Variants in YWHAG observed in about 807,000 individuals in gnomAD.
The protein encoded by YWHAG is 14-3-3 protein gamma.
A neutral mutation model predicts 23.3 loss-of-function variants in YWHAG; 1 was observed. That is an observed-to-expected ratio of 0.04 (90% CI 0.02 to 0.20). YWHAG has a LOEUF of 0.20. Ranked by LOEUF, YWHAG falls within the 10% of genes least tolerant of loss-of-function variation. YWHAG has a pLI of 1.00. For missense variants in YWHAG, 151 were observed against 338.6 expected (o/e 0.45, Z 4.35); for synonymous variants, 160 against 144.0 (o/e 1.11, Z -0.80).
At chr7:76,338,651 G>A (rs553266799) in intron 1 of YWHAG, among the ~76,000 whole-genome samples, 80 of 151,976 alleles carry the variant, frequency 5.3e-4, no homozygotes, top group African/African-American at 1.8e-3. Flanking sequence ...AAAACCTCCA[G>A]AGAATTTCTA....
chr7:76,328,523 C>G lies in YWHAG; in HGVS notation c.*1054G>C, dbSNP rs1803487844. On this transcript the variant is annotated 3_prime_UTR_variant, in exon 2 of 2. Transcript: ENST00000307630. ...AATTTTCACACACTGCACCACAGAC[C>G]TTCTCCAAACGCCTCTCCGACCCCA... The G allele has an allele frequency of 6.6e-6, 1 of 152,184 alleles. No individual in the cohort carries two copies. The highest frequency in any genetic ancestry group is 2.4e-5 in the African/African-American group (1 of 41,418). The allele number at this position is 152,184 out of a possible 1,614,324, so 9.4% of individuals were successfully genotyped here. A position where few individuals can be genotyped will look rare whatever the true frequency, so the allele number is the denominator to read the frequency against.
intron 1 of YWHAG, among the ~76,000 whole-genome samples, chr7:76,331,975 T>C (rs1469982780): frequency 6.6e-6 from 1 of 152,228 alleles, no homozygotes; most frequent in Non-Finnish European, 1.5e-5. Context: ...TATTAGTTTA[T>C]GGCAGGCAAT....
chr7:76,335,729 T>TTA (rs1803606238), intron 1 of YWHAG, among the ~76,000 whole-genome samples: 1 of 152,198 alleles, frequency 6.6e-6, no homozygotes. Flanking sequence ...GGTGGGTGGA[T>TTA]CACTTGAGGT....
rs1484996210 is a variant in YWHAG, at chr7:76,328,119, C to T, written c.*1458G>A. 1 of 152,072 alleles carries T rather than the reference C, an allele frequency of 6.6e-6. No homozygotes were observed. Among genetic ancestry groups the T allele is most frequent in the African/African-American group, 2.4e-5 (1 of 41,414 alleles). 9.4% of individuals were successfully genotyped at this position (152,072 alleles called of 1,614,324 possible). On this transcript the variant is annotated 3_prime_UTR_variant, in exon 2 of 2. Transcript: ENST00000307630. ...ATAAAAAAAAGAATGCACATGCGGGCCACGTTCACAGATAGACAGATTCAC... is the reference window on the plus strand; with the variant it reads ...ATAAAAAAAAGAATGCACATGCGGGTCACGTTCACAGATAGACAGATTCAC...
chr7:76,348,896 A>C (rs1466543622), intron 1 of YWHAG, among the ~76,000 whole-genome samples: 3 of 152,206 alleles, frequency 2.0e-5, no homozygotes, highest in African/African-American at 7.2e-5. Context: ...ATTTTAAGGC[A>C]AATTAAACAT....
chr7:76,330,642 TG>T (rs1803529073), intron 1 of YWHAG, among the ~76,000 whole-genome samples: 1 of 152,206 alleles, frequency 6.6e-6, no homozygotes, highest in African/African-American at 2.4e-5. Flanking sequence ...AAGAAAATAC[TG>T]AGTCAACTTC....
Position 76,358,858 on chromosome 7 carries a change from C to T in YWHAG, c.-50G>A, listed in dbSNP as rs1430797308. 3 of 1,548,178 alleles carry T rather than the reference C, an allele frequency of 1.9e-6. No homozygotes were observed. Among genetic ancestry groups the T allele is most frequent in the Non-Finnish European group, 1.7e-6 (2 of 1,143,358 alleles). On this transcript the variant is annotated 5_prime_UTR_variant, in exon 1 of 2. Transcript: ENST00000307630. ...AGAAGGAGGAGGACACTGGGGCGGC[C>T]TGAAGGGCTTGGAGGGCGCGACTGG...
intron 1 of YWHAG, among the ~76,000 whole-genome samples, chr7:76,340,920 A>G (rs1360701872): frequency 6.6e-6 from 1 of 152,220 alleles, no homozygotes; most frequent in Non-Finnish European, 1.5e-5. Context: ...TCTGTCACCC[A>G]GGCTGGAGTG....
At chr7:76,344,158 T>C (rs1260072585) in intron 1 of YWHAG, among the ~76,000 whole-genome samples, 4 of 152,096 alleles carry the variant, frequency 2.6e-5, no homozygotes, top group Non-Finnish European at 1.5e-5. Context: ...TTGCCTAGGC[T>C]GGAATGCAGT....
chr7:76,334,612 C>G (rs1234846773), intron 1 of YWHAG, among the ~76,000 whole-genome samples: 2 of 151,948 alleles, frequency 1.3e-5, no homozygotes, highest in Non-Finnish European at 1.5e-5. Context: ...ACCAGGGTCA[C>G]CCTATGTTGT....
At chr7:76,358,469 G>A (rs1169579339) in intron 1 of YWHAG, among the ~76,000 whole-genome samples, 2 of 152,062 alleles carry the variant, frequency 1.3e-5, no homozygotes, top group Non-Finnish European at 2.9e-5. Context: ...CCAGCCCCGC[G>A]GGACCTCGCC....
intron 1 of YWHAG, among the ~76,000 whole-genome samples, chr7:76,356,709 G>T (rs1016881558): frequency 6.6e-6 from 1 of 152,138 alleles, no homozygotes; most frequent in Non-Finnish European, 1.5e-5. Context: ...TAAATGAGAT[G>T]AATGTTTAAA....
chr7:76,357,661 G>C (rs1803981128), intron 1 of YWHAG, among the ~76,000 whole-genome samples: 1 of 152,044 alleles, frequency 6.6e-6, no homozygotes, highest in Non-Finnish European at 1.5e-5. Flanking sequence ...ACAAAAAAAA[G>C]CCTCAGATGC....
chr7:76,347,461 T>C (rs1803797429), intron 1 of YWHAG, among the ~76,000 whole-genome samples: 1 of 152,056 alleles, frequency 6.6e-6, no homozygotes, highest in South Asian at 2.1e-4. Context: ...TAGCTGGGCA[T>C]GGTGGCATGT....
intron 1 of YWHAG, among the ~76,000 whole-genome samples, chr7:76,348,108 T>C (rs922141622): frequency 6.6e-6 from 1 of 152,178 alleles, no homozygotes; most frequent in African/African-American, 2.4e-5. Flanking sequence ...TTATTAAATA[T>C]GCAGCAGTTT....
intron 1 of YWHAG, among the ~76,000 whole-genome samples, chr7:76,350,698 G>T (rs1301008140): frequency 6.6e-6 from 1 of 152,132 alleles, no homozygotes; most frequent in Non-Finnish European, 1.5e-5. Flanking sequence ...ACAAAAATTA[G>T]CCGGGCGTGG....
chr7:76,341,275 G>C (rs1050271222), intron 1 of YWHAG, among the ~76,000 whole-genome samples: 101 of 151,752 alleles, frequency 6.7e-4, no homozygotes, highest in Non-Finnish European at 3.1e-4. Context: ...ATGGTGGCTC[G>C]CACCTGTAAT....
At chr7:76,347,939 A>G (rs1401989503) in intron 1 of YWHAG, among the ~76,000 whole-genome samples, 1 of 152,256 alleles carries the variant, frequency 6.6e-6, no homozygotes, top group African/African-American at 2.4e-5. Flanking sequence ...AATGACATTC[A>G]AAAAACACAC....
intron 1 of YWHAG, among the ~76,000 whole-genome samples, chr7:76,351,079 T>C (rs1803865372): frequency 6.6e-6 from 1 of 152,166 alleles, no homozygotes; most frequent in Non-Finnish European, 1.5e-5. Flanking sequence ...ATATAAACTG[T>C]AGAAAAAGAC....
Sources: allele counts gnomAD v4.1 joint callset (sites outside exome capture counted in the v4.1 genomes callset), GRCh38; gene constraint gnomAD v4.1.1; transcripts MANE v1.5; gene names NCBI Gene and HGNC (gene_info 2026-07-23, HGNC 2026-07-21).